The following COL15A1 variants were observed in gnomAD, a reference collection of about 807,000 sequenced individuals.
COL15A1 encodes collagen type XV alpha 1 chain.
COL15A1 carries 111 observed loss-of-function variants against 165.9 expected under a neutral mutation model. That is an observed-to-expected ratio of 0.67 (90% CI 0.57 to 0.78). COL15A1 has a LOEUF of 0.78. Among genes scored for constraint, COL15A1 ranks in the 30% least tolerant of loss-of-function variants. The pLI is 0.00. For missense variants in COL15A1, 1,745 were observed against 1,789.7 expected (o/e 0.98, Z 0.45); for synonymous variants, 659 against 674.8 (o/e 0.98, Z 0.36).
Position 99,034,530 on chromosome 9 carries a change from T to C in COL15A1, c.2044-19T>C. On this transcript the variant is annotated intron_variant, in intron 16 of 41. Coordinates refer to ENST00000375001, the MANE Select transcript of COL15A1 (RefSeq NM_001855.5). The stretch of plus-strand genomic sequence containing the variant: ...CATATGCATTAATTGGTCCATGTTT[T>C]TGTTTTTGTTTTTTTCAGGGAGCAA... 1 of 1,585,996 alleles carries C rather than the reference T, an allele frequency of 6.3e-7. No individual in the cohort carries two copies. The highest frequency in any genetic ancestry group is 1.4e-5 in the African/African-American group (1 of 73,020).
intron 4 of COL15A1, among the ~76,000 whole-genome samples, chr9:98,988,453 G>A (rs185471403): frequency 6.6e-6 from 1 of 152,338 alleles, no homozygotes. Context: ...AGAAAGATTA[G>A]GTAATGCCAG....
chr9:98,976,644 T>C (rs1838145939), intron 2 of COL15A1, among the ~76,000 whole-genome samples: 1 of 152,200 alleles, frequency 6.6e-6, no homozygotes, highest in South Asian at 2.1e-4. Flanking sequence ...ACTGTGAGCC[T>C]GGCACCTTCA....
At chr9:99,062,950 A>T (rs1411442693) in intron 38 of COL15A1, 100 bp from the exon 39 acceptor site, 2 of 1,419,708 alleles carry the variant, frequency 1.4e-6, no homozygotes, top group East Asian at 5.5e-5. Context: ...AATTATTTAA[A>T]GCATCTTCTC....
At chr9:99,037,685 A>G (rs1469237759) in intron 21 of COL15A1, among the ~76,000 whole-genome samples, 1 of 152,244 alleles carries the variant, frequency 6.6e-6, no homozygotes, top group South Asian at 2.1e-4. Flanking sequence ...GCAAATGAAC[A>G]TAAAGAGGGG....
chr9:98,963,439 C>T (rs1837896769), intron 2 of COL15A1, among the ~76,000 whole-genome samples: 2 of 152,140 alleles, frequency 1.3e-5, no homozygotes, highest in South Asian at 4.1e-4. Flanking sequence ...CACATTTTAG[C>T]GATGTGACTC....
chr9:99,023,427 T>A lies in COL15A1; in HGVS notation c.1832T>A (p.Val611Glu). 6.7e-7 allele frequency: 1 copy of A among 1,494,332 alleles called. No individual in the cohort carries two copies. The highest frequency in any genetic ancestry group is 9.3e-7 in the Non-Finnish European group (1 of 1,071,852). 92.6% of individuals were successfully genotyped at this position (1,494,332 alleles called of 1,614,324 possible). A position where few individuals can be genotyped will look rare whatever the true frequency, so the allele number is the denominator to read the frequency against. Reference protein sequence around the residue: ...SDVGSGSGDLVGSEQLLRGPP... With the variant: ...SDVGSGSGDLEGSEQLLRGPP... ...GTCGGCTCTGGCTCTGGTGACCTGG[T>A]GGGCAGTGAGCAGCTGCTGAGAGTG... is the stretch of plus-strand genomic sequence containing the variant. The change falls in exon 14 of 42, where the codon GTG becomes GAG. Residue 611 changes from valine (V) to glutamate (E), a missense_variant. Transcript: ENST00000375001.
intron 2 of COL15A1, among the ~76,000 whole-genome samples, chr9:98,962,929 G>A (rs550514062): frequency 6.6e-6 from 1 of 152,346 alleles, no homozygotes; most frequent in South Asian, 2.1e-4. Context: ...CTGTACAGCA[G>A]GTGCTCAATA....
intron 12 of COL15A1, among the ~76,000 whole-genome samples, chr9:99,020,710 T>A (rs1158905364): frequency 6.6e-6 from 1 of 152,138 alleles, no homozygotes; most frequent in Non-Finnish European, 1.5e-5. Context: ...TATCAAAGGG[T>A]CCTATGATTC....
At chr9:99,025,488 T>C (rs1839108370) in intron 15 of COL15A1, among the ~76,000 whole-genome samples, 1 of 152,228 alleles carries the variant, frequency 6.6e-6, no homozygotes, top group East Asian at 1.9e-4. Flanking sequence ...GTGTATTAAA[T>C]GCATTTTGGA....
At chr9:99,046,108 G>T (rs1481443903) in intron 26 of COL15A1, among the ~76,000 whole-genome samples, 2 of 149,114 alleles carry the variant, frequency 1.3e-5, no homozygotes, top group Non-Finnish European at 2.9e-5. Context: ...GTTAGTGGTG[G>T]GGGTCAGCAG....
chr9:99,031,403 C>G (rs987975961), intron 16 of COL15A1, among the ~76,000 whole-genome samples: 1 of 152,214 alleles, frequency 6.6e-6, no homozygotes, highest in Non-Finnish European at 1.5e-5. Context: ...GAAACCCTCA[C>G]CTAGCAAACC....
chr9:99,052,424 A>G lies in COL15A1; in HGVS notation c.2941A>G (p.Thr981Ala), dbSNP rs1190809707. The G allele has an allele frequency of 1.9e-6, 3 of 1,609,076 alleles. No individual in the cohort carries two copies. The highest frequency in any genetic ancestry group is 2.2e-5 in the East Asian group (1 of 44,844). The change falls in exon 31 of 42, where the codon ACT becomes GCT. Residue 981 changes from threonine (T) to alanine (A), a missense_variant. By Grantham distance (58) the Thr-to-Ala change is moderately conservative. Coordinates refer to ENST00000375001, the MANE Select transcript of COL15A1 (RefSeq NM_001855.5). ...TCATCCTGGGAGTCCAGAGCTCATC[A>G]CTTTTCACGGTATACACTCCCTTCT... ...TAHPGSPELI[T>A]FHGVKGEKGS... is the part of the protein sequence containing the mutation.
At chr9:99,008,389 T>A (rs900484630) in intron 9 of COL15A1, among the ~76,000 whole-genome samples, 2 of 152,198 alleles carry the variant, frequency 1.3e-5, no homozygotes, top group Non-Finnish European at 2.9e-5. Flanking sequence ...AAATCAACTT[T>A]GGTTCCTTAA....
At chr9:99,019,157 A>C (rs1237852173) in intron 11 of COL15A1, among the ~76,000 whole-genome samples, 1 of 152,094 alleles carries the variant, frequency 6.6e-6, no homozygotes, top group Non-Finnish European at 1.5e-5. Flanking sequence ...TCAAGAAGGC[A>C]CCCACCTTGG....
intron 2 of COL15A1, among the ~76,000 whole-genome samples, chr9:98,961,632 C>T (rs1021312720): frequency 1.1e-4 from 17 of 152,134 alleles, no homozygotes; most frequent in African/African-American, 3.4e-4. Flanking sequence ...GCCCAGGAGC[C>T]GTTTTTCCTA....
intron 31 of COL15A1, among the ~76,000 whole-genome samples, chr9:99,052,909 C>G (rs1322450522): frequency 1.3e-5 from 2 of 152,212 alleles, no homozygotes; most frequent in Middle Eastern, 3.2e-3. Context: ...GTCCATGCAA[C>G]TTTGTAAGCA....
intron 2 of COL15A1, among the ~76,000 whole-genome samples, chr9:98,977,819 C>T (rs1838165497): frequency 6.6e-6 from 1 of 152,186 alleles, no homozygotes; most frequent in African/African-American, 2.4e-5. Flanking sequence ...TCATTGAATC[C>T]CCACATGGGA....
intron 15 of COL15A1, 120 bp from the exon 16 acceptor site, chr9:99,025,784 A>C: frequency 1.0e-6 from 1 of 1,003,942 alleles, no homozygotes; most frequent in Non-Finnish European, 1.5e-6. Context: ...TGCACCTGAC[A>C]TGAGGCCCTG....
Position 99,024,922 on chromosome 9 carries a change from A to G in COL15A1, c.1903A>G (p.Lys635Glu). ...GPPGLPGIPG[K>E]PGTDVFMGPP... is the part of the protein sequence containing the mutation. ...ACCTGGCTTACCTGGGATTCCAGGA[A>G]AACCAGGAACTGATGTTTTCATGGG... Residue 635 changes from lysine (K) to glutamate (E), a missense_variant, in exon 15 of 42, where the codon AAA becomes GAA. Transcript: ENST00000375001. 6.2e-7 allele frequency: 1 copy of G among 1,614,046 alleles called. No homozygotes were observed. Among genetic ancestry groups the G allele is most frequent in the Non-Finnish European group, 8.5e-7 (1 of 1,179,920 alleles).
Sources: gnomAD v4.1 joint callset for allele counts (sites outside exome capture counted in the v4.1 genomes callset) on GRCh38, gnomAD v4.1.1 for gene constraint, MANE v1.5 for transcripts, NCBI Gene and HGNC (gene_info 2026-07-23, HGNC 2026-07-21) for gene names.